Variants in FAHD1 observed in about 807,000 individuals in gnomAD.
FAHD1 encodes oxaloacetate tautomerase FAHD1, mitochondrial.
In FAHD1, 14 loss-of-function variants were observed where a neutral mutation model predicts 12.7. That is an observed-to-expected ratio of 1.10 (90% CI 0.73 to 1.72). FAHD1 has a LOEUF of 1.72. Among genes scored for constraint, FAHD1 ranks in the 40% most tolerant of loss-of-function variants. The probability of loss-of-function intolerance (pLI) is 0.00; values close to 1 mark genes in which losing one functional copy is unlikely to be tolerated. For synonymous variants in FAHD1, 153 were observed against 124.9 expected, an observed-to-expected ratio of 1.22 and a Z score of -1.50; for missense variants, 351 against 298.9, an observed-to-expected ratio of 1.17 and a Z score of -1.29.
chr16:1,827,281 A>G (rs1272202524), exon 1 of FAHD1: 4 of 1,612,868 alleles, frequency 2.5e-6, no homozygotes, highest in Middle Eastern at 1.6e-4. Flanking sequence ...GGAGTGGGGA[A>G]AGAACATCGT....
At chr16:1,834,176 C>A (rs1898676412) in intron 1 of FAHD1, 1 of 750,896 alleles carries the variant, frequency 1.3e-6, no homozygotes, top group Non-Finnish European at 2.3e-6. Context: ...CAATTTTCCC[C>A]ATAATTTTCA....
downstream of FAHD1, among the ~76,000 whole-genome samples, chr16:1,830,917 TACACACACAC>T (rs1555470124): frequency 8.7e-6 from 1 of 114,776 alleles, no homozygotes; most frequent in East Asian, 2.5e-4. Flanking sequence ...TCTCTCTCTA[TACACACACAC>T]ACACACACAC....
At chr16:1,834,570 C>T (rs901473672) in intron 1 of FAHD1, among the ~76,000 whole-genome samples, 1 of 152,160 alleles carries the variant, frequency 6.6e-6, no homozygotes, top group Non-Finnish European at 1.5e-5. Context: ...CAGCTTCTGA[C>T]TGATTTTGTA....
chr16:1,838,096 A>G, exon 2 of FAHD1: 1 of 716,826 alleles, frequency 1.4e-6, no homozygotes, highest in Non-Finnish European at 2.3e-6. Flanking sequence ...TCCCGGGGTC[A>G]AGCAATCCTC....
At chr16:1,834,336 A>G (rs1220783328) in intron 1 of FAHD1, 3 of 1,611,862 alleles carry the variant, frequency 1.9e-6, no homozygotes, top group East Asian at 2.2e-5. Context: ...CTAATTTTCA[A>G]TCCACTCCTT....
downstream of FAHD1, among the ~76,000 whole-genome samples, chr16:1,829,497 A>C (rs75569713): frequency 0.18 from 26,975 of 152,068 alleles, 2,532 homozygotes; most frequent in South Asian, 0.27. Context: ...CAGAACGTGA[A>C]GTTTTGACCA....
chr16:1,837,398 G>T (rs1203007435), intron 1 of FAHD1, among the ~76,000 whole-genome samples: 1 of 152,128 alleles, frequency 6.6e-6, no homozygotes, highest in African/African-American at 2.4e-5. Context: ...CAAGAGAGGG[G>T]TCTCACTATG....
At chr16:1,834,655 T>A (rs62038399) in intron 1 of FAHD1, among the ~76,000 whole-genome samples, 3 of 152,178 alleles carry the variant, frequency 2.0e-5, no homozygotes, top group Non-Finnish European at 4.4e-5. Context: ...GGCCGGGTGC[T>A]GGTGCAGTGG....
rs564504839 is a variant in FAHD1, at chr16:1,838,655, T to C, written c.*8+521T>C. Reference sequence around the variant, plus strand: ...GACTTGTTGTTTTACCCATCGTTACTTGACTATATCAAACATCATGTTTCC... The same window carrying C: ...GACTTGTTGTTTTACCCATCGTTACCTGACTATATCAAACATCATGTTTCC... On this transcript the variant is annotated intron_variant, in intron 2 of 2. Transcript: ENST00000382666. Among the ~76,000 whole-genome samples the C allele has an allele frequency of 5.9e-5, 9 of 152,260 alleles. No individual in the cohort carries two copies. In the South Asian group the frequency reaches 1.9e-3, roughly 32 times the overall value.
At chr16:1,835,686 G>A (rs1420386670) in intron 1 of FAHD1, among the ~76,000 whole-genome samples, 1 of 152,098 alleles carries the variant, frequency 6.6e-6, no homozygotes, top group Non-Finnish European at 1.5e-5. Flanking sequence ...TTAGAACTAG[G>A]TTGTAGAAAG....
intron 2 of FAHD1, chr16:1,839,233 T>G: frequency 1.9e-6 from 3 of 1,555,116 alleles, no homozygotes; most frequent in Non-Finnish European, 2.6e-6. Context: ...ATTCTAAACA[T>G]TTCTTCCTTT....
At chr16:1,836,198 G>C (rs868534698) in intron 1 of FAHD1, among the ~76,000 whole-genome samples, 4 of 151,992 alleles carry the variant, frequency 2.6e-5, no homozygotes, top group African/African-American at 9.7e-5. Flanking sequence ...TTGGATTTTG[G>C]TTTTGGATTT....
rs1445227929 is a variant in FAHD1 at position 1,828,437 on chromosome 16, C to A, written c.*533C>A. 7.0e-6 allele frequency: 7 copies of A among 1,001,020 alleles called. No individual in the cohort carries two copies. In the African/African-American group the frequency reaches 1.0e-4, roughly 15 times the overall value. 62.0% of individuals were successfully genotyped at this position (1,001,020 alleles called of 1,614,324 possible). The stretch of plus-strand genomic sequence containing the variant: ...TTTCTTCGGAAAACATTTTATCAAA[C>A]CAAATGTTAAAAAGACTTTCCTTTT... On this transcript the variant is annotated 3_prime_UTR_variant, in exon 1 of 1. Coordinates refer to ENST00000427358, the Ensembl canonical transcript of FAHD1.
At chr16:1,831,663 C>T (rs1898622321), downstream of FAHD1, among the ~76,000 whole-genome samples, 1 of 152,180 alleles carries the variant, frequency 6.6e-6, no homozygotes. Flanking sequence ...CCCCCAACCT[C>T]CAGGCCACTG....
At position 1,839,104 on chromosome 16, in the gene FAHD1, C is replaced by G. The variant is rs1484409382; in HGVS notation, c.*9-158C>G. 16 of 833,860 alleles carry G rather than the reference C, an allele frequency of 1.9e-5. No homozygotes were observed. The South Asian group carries it at 3.4e-4, about 18-fold the overall frequency. 51.7% of individuals were successfully genotyped at this position (833,860 alleles called of 1,614,324 possible). A position where few individuals can be genotyped will look rare whatever the true frequency, so the allele number is the denominator to read the frequency against. On this transcript the variant is annotated intron_variant, in intron 2 of 2. Transcript: ENST00000382666. ...AATATGTAACATTTGTTCATCAAAG[C>G]AATGTGTGTTTAAAGCAAGATGATT...
At chr16:1,830,791 T>A (rs1413191510), downstream of FAHD1, among the ~76,000 whole-genome samples, 1 of 152,160 alleles carries the variant, frequency 6.6e-6, no homozygotes, top group African/African-American at 2.4e-5. Context: ...TACAATGAAC[T>A]CCATATGCCC....
chr16:1,839,681 CT>C, exon 3 of FAHD1: 1 of 431,352 alleles, frequency 2.3e-6, no homozygotes, highest in East Asian at 4.3e-5. Flanking sequence ...TTCCCTCCCT[CT>C]GCCAAGCCCT....
chr16:1,830,003 A>C (rs1429658146), downstream of FAHD1, among the ~76,000 whole-genome samples: 1 of 152,128 alleles, frequency 6.6e-6, no homozygotes, highest in African/African-American at 2.4e-5. Context: ...AGCTCAGATT[A>C]CAGGCATACG....
chr16:1,827,933 A>G lies in FAHD1; in HGVS notation c.*29A>G, dbSNP rs1898534961. 2.5e-6 allele frequency: 4 copies of G among 1,602,664 alleles called. No individual in the cohort carries two copies. In the Admixed American group the frequency reaches 6.8e-5, roughly 27 times the overall value. On this transcript the variant is annotated 3_prime_UTR_variant, in exon 1 of 1. Transcript: ENST00000427358. Reference sequence around the variant, plus strand: ...ATTTCTTAACAAGTTTCGAGAGAGAAGGGAGCAAGACAAGAGCAAGCAACG... The same window carrying G: ...ATTTCTTAACAAGTTTCGAGAGAGAGGGGAGCAAGACAAGAGCAAGCAACG...
Sources: allele counts gnomAD v4.1 joint callset (sites outside exome capture counted in the v4.1 genomes callset), GRCh38; gene constraint gnomAD v4.1.1; transcripts MANE v1.5; gene names NCBI Gene and HGNC (gene_info 2026-07-23, HGNC 2026-07-21).